ADGRL3: variants seen among roughly 807,000 people sequenced by gnomAD.
ADGRL3 encodes the protein adhesion G protein-coupled receptor L3.
In ADGRL3, 62 loss-of-function variants were observed where a neutral mutation model predicts 153.5. That is an observed-to-expected ratio of 0.40 (90% CI 0.33 to 0.50). ADGRL3 has a LOEUF of 0.50. ADGRL3 is among the 20% of genes least tolerant of loss of function. The probability of loss-of-function intolerance (pLI) is 0.47; values close to 1 mark genes in which losing one functional copy is unlikely to be tolerated. For missense variants in ADGRL3, 1,641 were observed against 1,859.4 expected, an observed-to-expected ratio of 0.88 and a Z score of 2.16; for synonymous variants, 710 against 672.5, an observed-to-expected ratio of 1.06 and a Z score of -0.86.
intron 12 of ADGRL3, among the ~76,000 whole-genome samples, chr4:61,912,018 G>A (rs2098724075): frequency 6.6e-6 from 1 of 152,094 alleles, no homozygotes; most frequent in African/African-American, 2.4e-5. Context: ...CACTCTCTAT[G>A]CAAACAAACA....
intron 2 of ADGRL3, among the ~76,000 whole-genome samples, chr4:61,481,292 A>G (rs72636170): frequency 0.059 from 8,959 of 152,292 alleles, 374 homozygotes; most frequent in Middle Eastern, 0.13. Context: ...AAGAGAAAAG[A>G]AAGTCAGGAT....
intron 8 of ADGRL3, among the ~76,000 whole-genome samples, chr4:61,780,109 A>G (rs1206527205): frequency 6.6e-6 from 1 of 152,202 alleles, no homozygotes; most frequent in Non-Finnish European, 1.5e-5. Flanking sequence ...GGAGCAATAT[A>G]TATATACTAC....
chr4:61,940,256 G>GA (rs540432161), intron 15 of ADGRL3, among the ~76,000 whole-genome samples: 659 of 34,358 alleles, frequency 0.019, 2 homozygotes, highest in South Asian at 0.042. Context: ...CAAAGGATAT[G>GA]AACTCATCAT....
At chr4:61,732,369 T>C (rs1156279465) in intron 7 of ADGRL3, among the ~76,000 whole-genome samples, 1 of 152,192 alleles carries the variant, frequency 6.6e-6, no homozygotes, top group South Asian at 2.1e-4. Flanking sequence ...TATTTTTGTT[T>C]CAAAATATGT....
chr4:61,311,141 A>G (rs1201224179), intron 1 of ADGRL3, among the ~76,000 whole-genome samples: 1 of 152,186 alleles, frequency 6.6e-6, no homozygotes, highest in Non-Finnish European at 1.5e-5. Flanking sequence ...TTAGTATATT[A>G]TTCAAGATAG....
intron 1 of ADGRL3, among the ~76,000 whole-genome samples, chr4:61,328,566 T>C (rs577605849): frequency 1.3e-5 from 2 of 152,246 alleles, no homozygotes; most frequent in South Asian, 4.1e-4. Context: ...CAAGAGAAAA[T>C]AGCTGCAAGT....
chr4:61,457,448 A>G (rs1179757043), intron 2 of ADGRL3, among the ~76,000 whole-genome samples: 1 of 151,964 alleles, frequency 6.6e-6, no homozygotes, highest in East Asian at 1.9e-4. Context: ...TTTCCTGTGA[A>G]TGCAATTTTA....
chr4:61,229,617 C>T (rs923129280), intron 1 of ADGRL3, among the ~76,000 whole-genome samples: 1 of 151,756 alleles, frequency 6.6e-6, no homozygotes, highest in Non-Finnish European at 1.5e-5. Flanking sequence ...ATTAAATGAC[C>T]CTGTGAGTCA....
At chr4:61,755,011 G>A (rs963304938) in intron 8 of ADGRL3, among the ~76,000 whole-genome samples, 2 of 152,086 alleles carry the variant, frequency 1.3e-5, no homozygotes, top group African/African-American at 4.8e-5. Context: ...TCTTAATCCA[G>A]TCTATCATTG....
rs150330318 is a variant in ADGRL3, at chr4:61,893,539, T to C, written c.1783+581T>C. Among the ~76,000 whole-genome samples, 1,336 of 152,212 alleles carry C rather than the reference T, an allele frequency of 8.8e-3. 15 individuals carry two copies. Among genetic ancestry groups the C allele is most frequent in the South Asian group, 0.017 (81 of 4,822 alleles). ...CTAATATGTAACAAAAAAGAAAGTT[T>C]GACTCTCCTTTTCATCAGCCATTGT... On this transcript the variant is annotated intron_variant, in intron 10 of 26. Transcript: ENST00000683033.
intron 9 of ADGRL3, among the ~76,000 whole-genome samples, chr4:61,863,980 A>C (rs998257186): frequency 2.0e-5 from 3 of 152,202 alleles, no homozygotes; most frequent in Non-Finnish European, 2.9e-5. Context: ...CTAGTTCTGC[A>C]AGAGAATAAA....
chr4:61,976,103 C>T (rs1581709562), intron 17 of ADGRL3, among the ~76,000 whole-genome samples: 1 of 152,228 alleles, frequency 6.6e-6, no homozygotes, highest in Middle Eastern at 3.4e-3. Flanking sequence ...ATGTCAAACA[C>T]AGTACTAGGT....
intron 2 of ADGRL3, among the ~76,000 whole-genome samples, chr4:61,475,179 A>G (rs905649620): frequency 6.6e-6 from 1 of 152,148 alleles, no homozygotes; most frequent in Non-Finnish European, 1.5e-5. Flanking sequence ...CTTGCTCTGT[A>G]GTAGCCTTTA....
intron 21 of ADGRL3, among the ~76,000 whole-genome samples, chr4:62,007,275 G>C (rs141101596): frequency 0.011 from 1,602 of 147,398 alleles, 37 homozygotes; most frequent in African/African-American, 0.038. Flanking sequence ...GGGAATCTGG[G>C]AAAGCAAAGG....
chr4:61,655,305 A>G (rs985336339), intron 5 of ADGRL3, among the ~76,000 whole-genome samples: 5 of 152,180 alleles, frequency 3.3e-5, no homozygotes, highest in Non-Finnish European at 2.9e-5. Context: ...CTAAGAGAAT[A>G]TTTTTAACGG....
At chr4:61,364,421 A>G (rs915058087) in intron 1 of ADGRL3, among the ~76,000 whole-genome samples, 1 of 152,016 alleles carries the variant, frequency 6.6e-6, no homozygotes, top group Admixed American at 6.5e-5. Context: ...ATAAAAATTA[A>G]TGGTATCACT....
intron 4 of ADGRL3, among the ~76,000 whole-genome samples, chr4:61,566,785 G>C (rs1202587785): frequency 6.6e-6 from 1 of 151,942 alleles, no homozygotes; most frequent in Admixed American, 6.6e-5. Flanking sequence ...ACTATTTTTA[G>C]AATATGCTTA....
intron 19 of ADGRL3, among the ~76,000 whole-genome samples, chr4:61,989,532 T>G (rs1392213101): frequency 6.6e-6 from 1 of 151,994 alleles, no homozygotes; most frequent in East Asian, 1.9e-4. Context: ...CCAAGAACAT[T>G]TTATGTGTAT....
At chr4:61,455,923 C>G (rs1398723809) in intron 2 of ADGRL3, among the ~76,000 whole-genome samples, 1 of 151,924 alleles carries the variant, frequency 6.6e-6, no homozygotes, top group Non-Finnish European at 1.5e-5. Flanking sequence ...TCAAGTGATT[C>G]TCCCACCTCA....
Sources: allele counts gnomAD v4.1 joint callset (sites outside exome capture counted in the v4.1 genomes callset), GRCh38; gene constraint gnomAD v4.1.1; transcripts MANE v1.5; gene names NCBI Gene and HGNC (gene_info 2026-07-23, HGNC 2026-07-21).